ZDHHC2: variants seen among roughly 807,000 people sequenced by gnomAD.
The protein encoded by ZDHHC2 is palmitoyltransferase ZDHHC2.
ZDHHC2 carries 51 observed loss-of-function variants against 55.6 expected under a neutral mutation model. The observed-to-expected ratio is 0.92, with a 90% CI of 0.73 to 1.16. ZDHHC2 has a LOEUF of 1.16. Among genes scored for constraint, ZDHHC2 ranks in the 50% most tolerant of loss-of-function variants. The probability of loss-of-function intolerance (pLI) is 0.00; values close to 1 mark genes in which losing one functional copy is unlikely to be tolerated. For synonymous variants in ZDHHC2, 199 were observed against 152.9 expected (o/e 1.30, Z -2.22); for missense variants, 491 against 442.4 (o/e 1.11, Z -0.99).
chr8:17,170,372 G>A (rs573667234), intron 1 of ZDHHC2, among the ~76,000 whole-genome samples: 5 of 152,188 alleles, frequency 3.3e-5, no homozygotes, highest in Admixed American at 6.5e-5. Flanking sequence ...CATCTCTTCC[G>A]GTGTGCCACT....
chr8:17,188,724 G>T (rs1455629077), intron 3 of ZDHHC2, among the ~76,000 whole-genome samples: 4 of 152,162 alleles, frequency 2.6e-5, no homozygotes, highest in Non-Finnish European at 5.9e-5. Context: ...TTAGCCTGGT[G>T]CTTGCTAATA....
chr8:17,186,258 G>A, intron 2 of ZDHHC2, 73 bp from the exon 3 acceptor site: 1 of 960,918 alleles, frequency 1.0e-6, no homozygotes, highest in Non-Finnish European at 1.6e-6. Context: ...AAAACAAGCA[G>A]ATCGGTTGTG....
intron 8 of ZDHHC2, 84 bp from the exon 9 acceptor site, chr8:17,209,848 A>T: frequency 7.0e-7 from 1 of 1,429,480 alleles, no homozygotes; most frequent in Non-Finnish European, 9.2e-7. Flanking sequence ...GAGTTTCTTC[A>T]TTTACTTCAA....
At chr8:17,176,886 T>C (rs1563145992) in intron 1 of ZDHHC2, among the ~76,000 whole-genome samples, 2 of 151,944 alleles carry the variant, frequency 1.3e-5, no homozygotes. Flanking sequence ...TATAAGTAGA[T>C]AGGTTATAAA....
At chr8:17,203,734 C>A (rs549316134) in intron 6 of ZDHHC2, among the ~76,000 whole-genome samples, 2 of 152,286 alleles carry the variant, frequency 1.3e-5, no homozygotes, top group Non-Finnish European at 2.9e-5. Context: ...TGCATCCCCC[C>A]ACTGGAACCT....
Sources: allele counts gnomAD v4.1 joint callset (sites outside exome capture counted in the v4.1 genomes callset), GRCh38; gene constraint gnomAD v4.1.1; transcripts MANE v1.5; gene names NCBI Gene and HGNC (gene_info 2026-07-23, HGNC 2026-07-21).